PUM1: variants seen among roughly 807,000 people sequenced by gnomAD.
PUM1 encodes pumilio homolog 1.
PUM1 carries 13 observed loss-of-function variants against 131.8 expected under a neutral mutation model. The ratio of observed to expected loss-of-function variants is 0.10; its 90% CI spans 0.06 to 0.16. PUM1 has a LOEUF of 0.16. PUM1 is among the 10% of genes least tolerant of loss of function. The pLI is 1.00. For missense variants in PUM1, 961 were observed against 1,512.4 expected (o/e 0.64, Z 6.05); for synonymous variants, 509 against 556.5 (o/e 0.91, Z 1.20).
Position 30,964,681 on chromosome 1 carries a change from T to C in PUM1, c.2316A>G (p.Leu772=). 1.2e-6 allele frequency: 2 copies of C among 1,610,466 alleles called. No homozygotes were observed. The highest frequency in any genetic ancestry group is 1.7e-6 in the Non-Finnish European group (2 of 1,176,672). ...SLSSHGSSSS[L]NLGGLTNGSG... Reference sequence around the variant, plus strand: ...TAGAGTAATGGTTCTTACCCAGGTTTAAGCTTGAAGAGGATCCATGTGAAG... The same window carrying C: ...TAGAGTAATGGTTCTTACCCAGGTTCAAGCTTGAAGAGGATCCATGTGAAG... Residue 772 remains leucine, a synonymous_variant, in exon 14 of 22, where the codon TTA becomes TTG. Transcript: ENST00000426105.
At chr1:31,046,334 C>T (rs1037396659) in intron 2 of PUM1, among the ~76,000 whole-genome samples, 11 of 151,886 alleles carry the variant, frequency 7.2e-5, no homozygotes, top group Non-Finnish European at 1.5e-5. Context: ...TGCGGTGAGC[C>T]GAAATCGTGC....
chr1:31,030,432 A>G (rs1425675634), intron 2 of PUM1, among the ~76,000 whole-genome samples: 7 of 152,076 alleles, frequency 4.6e-5, no homozygotes, highest in Non-Finnish European at 1.0e-4. Flanking sequence ...AATACAATTA[A>G]GAGAATCAGT....
chr1:31,038,174 A>C (rs1409894253), intron 2 of PUM1, among the ~76,000 whole-genome samples: 1 of 152,112 alleles, frequency 6.6e-6, no homozygotes, highest in African/African-American at 2.4e-5. Flanking sequence ...TTACAGAAGA[A>C]AATGCAGATG....
chr1:31,062,269 C>T (rs572405274), intron 1 of PUM1, among the ~76,000 whole-genome samples: 2 of 152,144 alleles, frequency 1.3e-5, no homozygotes, highest in African/African-American at 4.8e-5. Context: ...TTCCTTAAAA[C>T]CAAAAACTGC....
rs1388388071 is a variant in PUM1 at position 30,980,109 on chromosome 1, G to C, written c.1307C>G (p.Pro436Arg). The change falls in exon 9 of 22, where the codon CCA becomes CGA. Residue 436 changes from proline to arginine, a missense_variant. Physicochemically the swap from Pro to Arg is moderately radical, Grantham distance 103. Transcript: ENST00000426105. Reference sequence around the variant, plus strand: ...TCCAGCTGTGTAGGGGTCCGTCCCTGGGGGAGCAGCGCTGATGATGTATGG... The same window carrying C: ...TCCAGCTGTGTAGGGGTCCGTCCCTCGGGGAGCAGCGCTGATGATGTATGG... ...PNPYIISAAP[P>R]GTDPYTAGLA... 1.9e-6 allele frequency: 3 copies of C among 1,613,922 alleles called. No individual in the cohort carries two copies. Among genetic ancestry groups the C allele is most frequent in the Non-Finnish European group, 2.5e-6 (3 of 1,179,898 alleles).
At chr1:30,937,654 T>C (rs920125486) in intron 20 of PUM1, among the ~76,000 whole-genome samples, 25 of 152,030 alleles carry the variant, frequency 1.6e-4, no homozygotes, top group African/African-American at 6.0e-4. Flanking sequence ...AGAAATAAAA[T>C]TTACTGTATG....
chr1:31,027,268 T>C (rs899902510), intron 3 of PUM1, among the ~76,000 whole-genome samples: 2 of 152,170 alleles, frequency 1.3e-5, no homozygotes, highest in African/African-American at 4.8e-5. Flanking sequence ...AGACTCTGTC[T>C]CTATTTTTAT....
At chr1:30,950,887 G>A (rs1263423604) in intron 16 of PUM1, among the ~76,000 whole-genome samples, 1 of 152,170 alleles carries the variant, frequency 6.6e-6, no homozygotes, top group African/African-American at 2.4e-5. Flanking sequence ...CACTCTTACT[G>A]CCAAAGCACA....
rs181059200 is a variant in PUM1, at chr1:31,014,366, T to C, written c.433-7264A>G. Among the ~76,000 whole-genome samples the C allele has an allele frequency of 5.1e-3, 767 of 150,160 alleles. 6 individuals are homozygous for C. The highest frequency in any genetic ancestry group is 0.017 in the African/African-American group (708 of 40,786). The stretch of plus-strand genomic sequence containing the variant: ...TGTAAAAATAAAAAAAAGTCGAGGC[T>C]GGATGCAGTGGCTCATGCTTGTAAC... On this transcript the variant is annotated intron_variant, in intron 3 of 21. Transcript: ENST00000426105.
intron 3 of PUM1, among the ~76,000 whole-genome samples, chr1:31,009,345 G>A (rs61780467): frequency 0.072 from 10,941 of 152,222 alleles, 654 homozygotes; most frequent in East Asian, 0.28. Flanking sequence ...TCAGCCTAAG[G>A]AGGGTCTCAC....
At chr1:30,938,489 G>A (rs1486910953) in intron 20 of PUM1, among the ~76,000 whole-genome samples, 1 of 152,212 alleles carries the variant, frequency 6.6e-6, no homozygotes, top group Non-Finnish European at 1.5e-5. Flanking sequence ...CTGGCCTCAA[G>A]TGATTTGCCT....
rs369445106 is a variant in PUM1 at position 30,936,682 on chromosome 1, G to A, written c.3396C>T (p.Asp1132=). 23 of 1,613,998 alleles carry A rather than the reference G, an allele frequency of 1.4e-5. No individual in the cohort carries two copies. The highest frequency in any genetic ancestry group is 6.6e-5 in the South Asian group (6 of 91,084). The change falls in exon 21 of 22, where the codon GAC becomes GAT. Residue 1132 remains aspartate, a synonymous_variant. Coordinates refer to ENST00000426105, the MANE Select transcript of PUM1 (RefSeq NM_001020658.2). ...TCTTCCGCTGGCCTGGCTCCGCCAC[G>A]TCAATCATCTTCTGGACCACGTAGT... ...YANYVVQKMI[D]VAEPGQRKIV...
At chr1:30,962,605 C>CTTCA (rs1410908437) in intron 14 of PUM1, among the ~76,000 whole-genome samples, 1 of 151,952 alleles carries the variant, frequency 6.6e-6, no homozygotes, top group Non-Finnish European at 1.5e-5. Context: ...AGAGGCGGGG[C>CTTCA]TTCACTATGT....
At chr1:31,015,294 G>T (rs551717569) in intron 3 of PUM1, among the ~76,000 whole-genome samples, 1 of 151,956 alleles carries the variant, frequency 6.6e-6, no homozygotes, top group Admixed American at 6.6e-5. Context: ...AATAAATAAG[G>T]CATATCTCTC....
chr1:30,966,076 G>A lies in PUM1; in HGVS notation c.1992C>T (p.Gly664=). 6.2e-7 allele frequency: 1 copy of A among 1,614,208 alleles called. No homozygotes were observed. The highest frequency in any genetic ancestry group is 8.5e-7 in the Non-Finnish European group (1 of 1,180,030). The change falls in exon 13 of 22, where the codon GGC becomes GGT. Residue 664 remains glycine (G), a synonymous_variant. Transcript: ENST00000426105. ...AGGATGTGTTGGCAGGCTGGGCAGA[G>A]CCCTGGGAGAAGAGGGAGCTGCTCT... ...NSQSSSLFSQ[G]SAQPANTSLG... is the part of the protein sequence containing the mutation.
intron 3 of PUM1, among the ~76,000 whole-genome samples, chr1:31,018,063 T>C (rs1228650009): frequency 6.6e-6 from 1 of 152,172 alleles, no homozygotes; most frequent in Non-Finnish European, 1.5e-5. Context: ...TTAAGCTATA[T>C]AATTTTACCA....
intron 14 of PUM1, among the ~76,000 whole-genome samples, chr1:30,960,507 C>A (rs1054426505): frequency 6.6e-6 from 1 of 152,052 alleles, no homozygotes; most frequent in African/African-American, 2.4e-5. Flanking sequence ...ACAGAATCCA[C>A]CCAAAAACCA....
chr1:31,045,301 T>A (rs2124578075), intron 2 of PUM1, among the ~76,000 whole-genome samples: 1 of 152,014 alleles, frequency 6.6e-6, no homozygotes, highest in East Asian at 2.0e-4. Context: ...ACCCGGCTAA[T>A]TTTTTTCTGT....
At chr1:30,974,583 T>C (rs1301622406) in intron 10 of PUM1, 68 bp downstream of exon 10, 9 of 1,432,910 alleles carry the variant, frequency 6.3e-6, no homozygotes, top group Non-Finnish European at 5.6e-6. Flanking sequence ...TTAGGCGCAA[T>C]ATTACCTATT....
Sources: allele counts gnomAD v4.1 joint callset (sites outside exome capture counted in the v4.1 genomes callset), GRCh38; gene constraint gnomAD v4.1.1; transcripts MANE v1.5; gene names NCBI Gene and HGNC (gene_info 2026-07-23, HGNC 2026-07-21).